SLC26A7: variants seen among roughly 807,000 people sequenced by gnomAD.
SLC26A7 encodes the protein solute carrier family 26 member 7.
SLC26A7 carries 59 observed loss-of-function variants against 82.5 expected under a neutral mutation model. The ratio of observed to expected loss-of-function variants is 0.72; its 90% CI spans 0.58 to 0.89. The LOEUF (loss-of-function observed/expected upper bound fraction) is 0.89, where lower values mean the gene tolerates loss of function less well. SLC26A7 is among the 40% of genes least tolerant of loss of function. SLC26A7 has a pLI of 0.00. For synonymous variants in SLC26A7, 271 were observed against 274.3 expected (o/e 0.99, Z 0.12); for missense variants, 820 against 793.0 (o/e 1.03, Z -0.41).
chr8:91,374,338 T>G (rs1241364972), intron 15 of SLC26A7, among the ~76,000 whole-genome samples: 1 of 151,896 alleles, frequency 6.6e-6, no homozygotes, highest in Non-Finnish European at 1.5e-5. Context: ...GAGCTTCCTA[T>G]CTTTCTGATG....
chr8:91,339,669 A>AT (rs1313828037), intron 7 of SLC26A7, among the ~76,000 whole-genome samples: 5 of 147,716 alleles, frequency 3.4e-5, no homozygotes, highest in African/African-American at 1.3e-4. Flanking sequence ...TATTTAATTT[A>AT]TTTTTTGGGT....
intron 2 of SLC26A7, among the ~76,000 whole-genome samples, chr8:91,229,258 A>G (rs926991423): frequency 2.0e-5 from 3 of 152,182 alleles, no homozygotes; most frequent in Non-Finnish European, 4.4e-5. Flanking sequence ...CAACATGCAC[A>G]AAGGCCTTTC....
chr8:91,281,903 A>G (rs1323326994), intron 2 of SLC26A7, among the ~76,000 whole-genome samples: 2 of 152,284 alleles, frequency 1.3e-5, no homozygotes, highest in Admixed American at 6.5e-5. Flanking sequence ...GATGTTTTAC[A>G]TTGGAAAGTT....
At chr8:91,365,165 T>C (rs1454284685) in intron 13 of SLC26A7, among the ~76,000 whole-genome samples, 1 of 104,470 alleles carries the variant, frequency 9.6e-6, no homozygotes, top group Non-Finnish European at 2.4e-5. Context: ...ACAAATACAT[T>C]TTTTTTCATA....
At chr8:91,248,373 G>A (rs1057169493), upstream of SLC26A7, among the ~76,000 whole-genome samples, 2 of 152,014 alleles carry the variant, frequency 1.3e-5, no homozygotes, top group African/African-American at 4.8e-5. Context: ...CAGCAGGAGG[G>A]ATCCAAGTAC....
rs1808596789 is a variant in SLC26A7 at position 91,397,264 on chromosome 8, G to T, written c.*2167G>T. On this transcript the variant is annotated 3_prime_UTR_variant, in exon 19 of 19. Transcript: ENST00000276609. ...TACAATGACTGTTAACCTGGAGGAA[G>T]TCTCTGGTATGGAGTTCTGAGAGCT... 1 of 152,016 alleles carries T rather than the reference G, an allele frequency of 6.6e-6. No homozygotes were observed. 9.4% of individuals were successfully genotyped at this position (152,016 alleles called of 1,614,324 possible).
At chr8:91,358,610 G>A (rs923171081) in intron 11 of SLC26A7, among the ~76,000 whole-genome samples, 24 of 152,170 alleles carry the variant, frequency 1.6e-4, no homozygotes, top group Admixed American at 4.6e-4. Flanking sequence ...AATTACAGGT[G>A]TGAGTCACCG....
At chr8:91,354,760 C>A (rs1278172288) in intron 11 of SLC26A7, among the ~76,000 whole-genome samples, 2 of 152,022 alleles carry the variant, frequency 1.3e-5, no homozygotes, top group Non-Finnish European at 2.9e-5. Context: ...TCCTCACCAC[C>A]AGTTCATTAT....
At position 91,340,479 on chromosome 8, in the gene SLC26A7, A is replaced by G. The variant is rs1813375138; in HGVS notation, c.954A>G (p.Val318=). 1 of 1,613,874 alleles carries G rather than the reference A, an allele frequency of 6.2e-7. No homozygotes were observed. Among genetic ancestry groups the G allele is most frequent in the African/African-American group, 1.3e-5 (1 of 74,884 alleles). ...CTGAAGCTTTCGGAGTGGCACTTGT[A>G]GGCTATGTGGCCTCACTGGCTCTTG... is the stretch of plus-strand genomic sequence containing the variant. ...VITEAFGVAL[V]GYVASLALAQ... Residue 318 remains valine (V), a synonymous_variant, in exon 8 of 19, where the codon GTA becomes GTG. Coordinates refer to ENST00000276609, the MANE Select transcript of SLC26A7 (RefSeq NM_052832.4).
At chr8:91,367,854 G>T (rs2130877198) in intron 14 of SLC26A7, among the ~76,000 whole-genome samples, 1 of 152,284 alleles carries the variant, frequency 6.6e-6, no homozygotes, top group East Asian at 1.9e-4. Flanking sequence ...TAGGTACACA[G>T]AAGATCTTGA....
intron 4 of SLC26A7, among the ~76,000 whole-genome samples, chr8:91,316,100 G>T (rs1410536392): frequency 6.6e-6 from 1 of 152,052 alleles, no homozygotes; most frequent in Non-Finnish European, 1.5e-5. Context: ...TTTGGCCAAG[G>T]GGTTATTGTA....
At chr8:91,292,816 TA>T (rs1350800713) in intron 3 of SLC26A7, among the ~76,000 whole-genome samples, 6 of 152,162 alleles carry the variant, frequency 3.9e-5, no homozygotes, top group African/African-American at 1.4e-4. Flanking sequence ...TACACAACAG[TA>T]AAAAACCTGG....
chr8:91,372,526 G>A (rs892928373), intron 15 of SLC26A7, among the ~76,000 whole-genome samples: 3 of 151,440 alleles, frequency 2.0e-5, no homozygotes, highest in African/African-American at 4.8e-5. Context: ...ATATCATTGA[G>A]GATCAATTGG....
chr8:91,393,924 G>A lies in SLC26A7; in HGVS notation c.1832-12G>A, dbSNP rs577312135. On this transcript the variant is annotated splice_polypyrimidine_tract_variant and intron_variant, in intron 17 of 18. Transcript: ENST00000276609. Reference sequence around the variant, plus strand: ...CCACATGTATTCTTATATCACTTGTGCTTTCTTGAAGCTTCCTTGATAAAA... The same window carrying A: ...CCACATGTATTCTTATATCACTTGTACTTTCTTGAAGCTTCCTTGATAAAA... 16 of 1,613,204 alleles carry A rather than the reference G, an allele frequency of 9.9e-6. No homozygotes were observed. Among genetic ancestry groups the A allele is most frequent in the African/African-American group, 2.7e-5 (2 of 74,966 alleles).
chr8:91,260,198 A>G (rs1354793028), intron 2 of SLC26A7, among the ~76,000 whole-genome samples: 1 of 152,120 alleles, frequency 6.6e-6, no homozygotes, highest in African/African-American at 2.4e-5. Flanking sequence ...ACTTATAGTC[A>G]TGGCAGAAGG....
At chr8:91,304,562 T>C (rs968320070) in intron 4 of SLC26A7, among the ~76,000 whole-genome samples, 1 of 152,190 alleles carries the variant, frequency 6.6e-6, no homozygotes, top group Non-Finnish European at 1.5e-5. Flanking sequence ...CAGTCTCAGG[T>C]AGTTCTTTAT....
upstream of SLC26A7, among the ~76,000 whole-genome samples, chr8:91,244,677 C>A (rs978075479): frequency 2.0e-5 from 3 of 150,814 alleles, no homozygotes; most frequent in African/African-American, 7.3e-5. Flanking sequence ...CTAAATTTTT[C>A]AATTATTATT....
intron 2 of SLC26A7, among the ~76,000 whole-genome samples, chr8:91,273,529 T>A (rs1811327586): frequency 6.6e-6 from 1 of 152,142 alleles, no homozygotes. Context: ...CAGGGCCAAA[T>A]GTAGCAAACT....
chr8:91,352,175 T>A (rs1813735396), intron 10 of SLC26A7, among the ~76,000 whole-genome samples: 1 of 152,090 alleles, frequency 6.6e-6, no homozygotes, highest in Admixed American at 6.6e-5. Flanking sequence ...CATATTCTGT[T>A]ATAAGAAGTA....
Sources: allele counts gnomAD v4.1 joint callset (sites outside exome capture counted in the v4.1 genomes callset), GRCh38; gene constraint gnomAD v4.1.1; transcripts MANE v1.5; gene names NCBI Gene and HGNC (gene_info 2026-07-23, HGNC 2026-07-21).